The following TCERG1 variants were observed in gnomAD, a reference collection of about 807,000 sequenced individuals.
The protein encoded by TCERG1 is transcription elongation regulator 1.
In TCERG1, 37 loss-of-function variants were observed where a neutral mutation model predicts 144.7. That is an observed-to-expected ratio of 0.26 (90% CI 0.20 to 0.34). TCERG1 has a LOEUF of 0.34. TCERG1 is among the 10% of genes least tolerant of loss of function. The pLI is 1.00. For missense variants in TCERG1, 1,027 were observed against 1,380.7 expected (o/e 0.74, Z 4.06); for synonymous variants, 492 against 458.2 (o/e 1.07, Z -0.94).
intron 1 of TCERG1, 42 bp from the exon 2 acceptor site, chr5:146,455,014 A>G (rs752578314): frequency 6.2e-7 from 1 of 1,602,348 alleles, no homozygotes. Flanking sequence ...ACATTTTTGT[A>G]ATTTTAAGAA....
At chr5:146,466,316 A>G (rs1450604877) in intron 5 of TCERG1, among the ~76,000 whole-genome samples, 6 of 152,154 alleles carry the variant, frequency 3.9e-5, no homozygotes, top group Non-Finnish European at 8.8e-5. Flanking sequence ...TTGAAATAGT[A>G]TTGTATGGGT....
At chr5:146,449,763 A>G (rs186125288) in intron 1 of TCERG1, among the ~76,000 whole-genome samples, 2 of 152,226 alleles carry the variant, frequency 1.3e-5, no homozygotes, top group African/African-American at 4.8e-5. Context: ...ATCACAATAG[A>G]TGGAAAATTT....
intron 17 of TCERG1, among the ~76,000 whole-genome samples, chr5:146,500,678 A>C (rs1011884595): frequency 6.6e-5 from 10 of 152,200 alleles, no homozygotes; most frequent in African/African-American, 2.4e-4. Context: ...CATCATTTTC[A>C]TGTAGTTTTT....
At chr5:146,466,587 CA>C (rs973088611) in intron 5 of TCERG1, among the ~76,000 whole-genome samples, 56 of 152,054 alleles carry the variant, frequency 3.7e-4, no homozygotes, top group African/African-American at 1.2e-3. Context: ...GAAAATTGAA[CA>C]AAAGCTCCCT....
intron 15 of TCERG1, among the ~76,000 whole-genome samples, chr5:146,492,130 A>C (rs1159503092): frequency 3.3e-5 from 5 of 152,204 alleles, no homozygotes; most frequent in Non-Finnish European, 5.9e-5. Context: ...CTTATTAAAT[A>C]GCTTTTCATC....
chr5:146,476,112 C>T (rs927071033), intron 9 of TCERG1, among the ~76,000 whole-genome samples: 2 of 152,038 alleles, frequency 1.3e-5, no homozygotes, highest in African/African-American at 4.8e-5. Context: ...CTAGACTGAG[C>T]CATTTCTGCA....
chr5:146,483,751 A>G lies in TCERG1; in HGVS notation c.2163+122A>G. 3 of 695,182 alleles carry G rather than the reference A, an allele frequency of 4.3e-6. No individual in the cohort carries two copies. The South Asian group carries it at 6.5e-5, about 15-fold the overall frequency. 43.1% of individuals were successfully genotyped at this position (695,182 alleles called of 1,614,324 possible). On this transcript the variant is annotated intron_variant, in intron 15 of 22. Coordinates refer to ENST00000679501, the MANE Select transcript of TCERG1 (RefSeq NM_001382548.1). ...CAGCATTTCAAAAATATAGTCTTGC[A>G]TCTTAGAACATATTATGTGTCTGTG... is the stretch of plus-strand genomic sequence containing the variant.
At chr5:146,458,462 G>T (rs1336043041) in intron 3 of TCERG1, among the ~76,000 whole-genome samples, 1 of 150,972 alleles carries the variant, frequency 6.6e-6, no homozygotes, top group African/African-American at 2.4e-5. Flanking sequence ...ACAGGTGTGA[G>T]CCACCGCGCC....
At chr5:146,462,429 CAA>C (rs1305154778) in intron 4 of TCERG1, among the ~76,000 whole-genome samples, 2 of 151,878 alleles carry the variant, frequency 1.3e-5, no homozygotes, top group Non-Finnish European at 1.5e-5. Context: ...GAATAAATAA[CAA>C]AATTGTTTTG....
At chr5:146,487,578 T>A (rs1435448410) in intron 15 of TCERG1, among the ~76,000 whole-genome samples, 1 of 152,004 alleles carries the variant, frequency 6.6e-6, no homozygotes, top group East Asian at 1.9e-4. Context: ...TACAAAAAAA[T>A]GCAAGAACTA....
chr5:146,494,545 G>T (rs1316284540), intron 16 of TCERG1, among the ~76,000 whole-genome samples: 1 of 152,092 alleles, frequency 6.6e-6, no homozygotes, highest in Non-Finnish European at 1.5e-5. Context: ...AAACGATCAG[G>T]CACTAAGGGC....
At chr5:146,477,526 C>G (rs1417286787) in intron 9 of TCERG1, among the ~76,000 whole-genome samples, 1 of 151,900 alleles carries the variant, frequency 6.6e-6, no homozygotes, top group Admixed American at 6.6e-5. Flanking sequence ...TGGCTGTCCT[C>G]CGTATTGCTT....
At chr5:146,468,225 C>T in intron 5 of TCERG1, 116 bp from the exon 6 acceptor site, 1 of 841,154 alleles carries the variant, frequency 1.2e-6, no homozygotes, top group Admixed American at 3.8e-5. Flanking sequence ...CATTCTTGGT[C>T]TTTTTCATTG....
intron 13 of TCERG1, chr5:146,482,357 G>A (rs977144670): frequency 3.5e-5 from 11 of 314,122 alleles, no homozygotes; most frequent in African/African-American, 2.2e-4. Flanking sequence ...CATTAAAGGT[G>A]TATTTTTTTC....
chr5:146,461,115 C>CT (rs1414368833), intron 4 of TCERG1, among the ~76,000 whole-genome samples: 1 of 152,130 alleles, frequency 6.6e-6, no homozygotes, highest in Non-Finnish European at 1.5e-5. Context: ...TAGTCCATGT[C>CT]TGTTTTCAGA....
chr5:146,506,078 C>G (rs1252565529), intron 19 of TCERG1, among the ~76,000 whole-genome samples: 1 of 152,098 alleles, frequency 6.6e-6, no homozygotes, highest in African/African-American at 2.4e-5. Context: ...GCCTTTTTAT[C>G]CTTTTTTTTC....
In TCERG1 at chr5:146,463,653, T is replaced by A; in HGVS notation, c.995T>A (p.Val332Asp). 6.2e-7 allele frequency: 1 copy of A among 1,614,134 alleles called. No individual in the cohort carries two copies. Among genetic ancestry groups the A allele is most frequent in the East Asian group, 2.2e-5 (1 of 44,878 alleles). Reference protein sequence around the residue: ...PAPTATPVQTVPQPHPQTLPP... With the variant: ...PAPTATPVQTDPQPHPQTLPP... The stretch of plus-strand genomic sequence containing the variant: ...CCTACAGCCACACCTGTGCAAACCG[T>A]TCCCCAGCCGCACCCTCAGACGTTA... The change falls in exon 5 of 23, where the codon GTT becomes GAT. Residue 332 changes from valine to aspartate, a missense_variant. Val to Asp is a radical substitution (Grantham distance 152). Transcript: ENST00000679501.
intron 17 of TCERG1, chr5:146,503,103 T>C (rs543685264): frequency 5.9e-6 from 1 of 169,806 alleles, no homozygotes; most frequent in African/African-American, 2.4e-5. Context: ...CCTTTTTCTA[T>C]ATTTTAATAA....
At chr5:146,503,339 T>C (rs1767654381) in intron 17 of TCERG1, 36 bp from the exon 18 acceptor site, 1 of 1,593,370 alleles carries the variant, frequency 6.3e-7, no homozygotes. Context: ...GGTACATTAT[T>C]TTCCCTCCCA....
Sources: allele counts gnomAD v4.1 joint callset (sites outside exome capture counted in the v4.1 genomes callset), GRCh38; gene constraint gnomAD v4.1.1; transcripts MANE v1.5; gene names NCBI Gene and HGNC (gene_info 2026-07-23, HGNC 2026-07-21).